PEG3: variants seen among roughly 807,000 people sequenced by gnomAD.
PEG3 encodes the protein paternally expressed 3, also known as paternally-expressed gene 3 protein.
Under a neutral mutation model 35.5 loss-of-function variants are expected in PEG3, and 23 were observed. That is an observed-to-expected ratio of 0.65 (90% confidence interval 0.47 to 0.92). The LOEUF (loss-of-function observed/expected upper bound fraction) is 0.92, where lower values mean the gene tolerates loss of function less well. PEG3 is among the 40% of genes least tolerant of loss of function. PEG3 has a pLI of 0.00. For synonymous variants in PEG3, 707 were observed against 697.0 expected (o/e 1.01, Z -0.23); for missense variants, 1,960 against 1,985.3 (o/e 0.99, Z 0.24).
chr19:56,824,184 T>A (rs2060791408), intron 4 of PEG3, 78 bp downstream of exon 4: 2 of 1,558,510 alleles, frequency 1.3e-6, no homozygotes, highest in Admixed American at 1.8e-5. Flanking sequence ...CCAGACCATG[T>A]CAGAAGTGTG....
At position 56,814,701 on chromosome 19, in the gene PEG3, A is replaced by G. The variant is rs1435434393; in HGVS notation, c.3741T>C (p.His1247=). The change falls in exon 10 of 10, where the codon CAT becomes CAC. Residue 1247 remains histidine, a synonymous_variant. Transcript: ENST00000326441. The surrounding 1 kb of genome is among the most constrained non-coding windows in gnomAD (Gnocchi z 5.8). The part of the protein sequence containing the change: ...SSALNEHMRL[H]REDDLLEQSQ... Reference sequence around the variant, plus strand: ...TCTGCTCCAGTAAATCATCTTCCCTATGAAGTCTCATATGCTCATTAAGGG... The same window carrying G: ...TCTGCTCCAGTAAATCATCTTCCCTGTGAAGTCTCATATGCTCATTAAGGG... 5 of 1,613,894 alleles carry G rather than the reference A, an allele frequency of 3.1e-6. No homozygotes were observed. The highest frequency in any genetic ancestry group is 4.2e-6 in the Non-Finnish European group (5 of 1,179,972).
Position 56,815,412 on chromosome 19 carries a change from C to T in PEG3, c.3030G>A (p.Leu1010=), listed in dbSNP as rs781202572. The change falls in exon 10 of 10, where the codon TTG becomes TTA. Residue 1010 remains leucine (L), a synonymous_variant. Coordinates refer to ENST00000326441, the MANE Select transcript of PEG3 (RefSeq NM_006210.3). ...RNYEWSVIRS[L]APTDPQTSYA... ...AACTTGTTTGAGGGTCAGTAGGGGC[C>T]AAGCTGCGAATGACAGACCATTCAT... 10 of 1,614,124 alleles carry T rather than the reference C, an allele frequency of 6.2e-6. 1 individual carries two copies. In the South Asian group the frequency reaches 7.7e-5, roughly 12 times the overall value.
Position 56,823,693 on chromosome 19 carries a change from G to A in PEG3, c.395-14C>T, listed in dbSNP as rs141353694. The A allele has an allele frequency of 1.5e-5, 24 of 1,613,958 alleles. No individual in the cohort carries two copies. Among genetic ancestry groups the A allele is most frequent in the Middle Eastern group, 3.3e-4 (2 of 6,062 alleles). ...TGTTGTTGTCGTCTAAGAGGACACC[G>A]GTCGCCAAGTTACTATCTCTGGCCC... On this transcript the variant is annotated splice_polypyrimidine_tract_variant and intron_variant, in intron 4 of 9. Coordinates refer to ENST00000326441, the MANE Select transcript of PEG3 (RefSeq NM_006210.3).
rs191672288 is a variant in PEG3 at position 56,812,510 on chromosome 19, A to T, written c.*1165T>A. 3.1e-4 allele frequency: 305 copies of T among 985,688 alleles called. 1 individual carries two copies. In the Middle Eastern group the frequency reaches 3.7e-3, roughly 12 times the overall value. 61.1% of individuals were successfully genotyped at this position (985,688 alleles called of 1,614,324 possible). A position where few individuals can be genotyped will look rare whatever the true frequency, so the allele number is the denominator to read the frequency against. ...GTTAGCGATAGAAAGATCTAAGGAT[A>T]CTAGCTCCTGGGCACCTAGGGTGCA... On this transcript the variant is annotated 3_prime_UTR_variant, in exon 10 of 10. Coordinates refer to ENST00000326441, the MANE Select transcript of PEG3 (RefSeq NM_006210.3).
chr19:56,815,822 T>C lies in PEG3; in HGVS notation c.2620A>G (p.Lys874Glu). ...YISDLNDKRQ[K>E]IPARENPCEG... ...CAAGGGTTCTCTCTGGCAGGAATCT[T>C]CTGTCGCTTATCATTAAGGTCTGAG... is the stretch of plus-strand genomic sequence containing the variant. The change falls in exon 10 of 10, where the codon AAG becomes GAG. Residue 874 changes from lysine to glutamate, a missense_variant. Lys to Glu is a moderately conservative substitution (Grantham distance 56). This residue lies in a region of PEG3 where 798 missense variants were observed against 782.4 expected (regional missense o/e 1.02). Transcript: ENST00000326441. 6.2e-7 allele frequency: 1 copy of C among 1,613,574 alleles called. No homozygotes were observed. The highest frequency in any genetic ancestry group is 8.5e-7 in the Non-Finnish European group (1 of 1,179,602).
intron 1 of PEG3, among the ~76,000 whole-genome samples, chr19:56,838,584 A>C (rs886351896): frequency 6.6e-6 from 1 of 152,220 alleles, no homozygotes; most frequent in South Asian, 2.1e-4. Flanking sequence ...GTCAGGCAAC[A>C]ACAGGGGAAG....
intron 8 of PEG3, among the ~76,000 whole-genome samples, chr19:56,818,163 C>T (rs1268279987): frequency 1.3e-5 from 2 of 152,188 alleles, no homozygotes; most frequent in African/African-American, 4.8e-5. Flanking sequence ...CCTCTTACCT[C>T]GCGACTGCTC....
At position 56,811,383 on chromosome 19, in the gene PEG3, ACTTTCGTGTCCTG is replaced by A. The variant is rs1375693687; in HGVS notation, c.*2279_*2291del. The stretch of plus-strand genomic sequence containing the variant: ...TGAGTTATAACTGTAGTATAAATAT[ACTTTCGTGTCCTG>A]CTTTCTCCACTTAATGTTCTGTAAA... On this transcript the variant is annotated 3_prime_UTR_variant, in exon 10 of 10. Coordinates refer to ENST00000326441, the MANE Select transcript of PEG3 (RefSeq NM_006210.3). 172 of 872,098 alleles carry A rather than the reference ACTTTCGTGTCCTG, an allele frequency of 2.0e-4. No individual in the cohort carries two copies. Among genetic ancestry groups the A allele is most frequent in the Non-Finnish European group, 2.3e-4 (167 of 726,688 alleles). 54.0% of individuals were successfully genotyped at this position (872,098 alleles called of 1,614,324 possible).
chr19:56,815,242 T>C lies in PEG3; in HGVS notation c.3200A>G (p.Asn1067Ser), dbSNP rs1263778224. ...KSHGEESQGE[N>S]TDGEETHSEE... The stretch of plus-strand genomic sequence containing the variant: ...GCTGTGGGTCTCCTCCCCATCAGTA[T>C]TCTCGCCTTGAGACTCCTCGCCATG... The change falls in exon 10 of 10, where the codon AAT becomes AGT. Residue 1067 changes from asparagine (N) to serine (S), a missense_variant. By Grantham distance (46) the Asn-to-Ser change is conservative. This residue lies in a region of PEG3 where 798 missense variants were observed against 782.4 expected (regional missense o/e 1.02). Transcript: ENST00000326441. The C allele has an allele frequency of 1.2e-6, 2 of 1,614,242 alleles. No individual in the cohort carries two copies. The highest frequency in any genetic ancestry group is 1.7e-5 in the Admixed American group (1 of 60,036).
In PEG3 at chr19:56,817,114, T is replaced by C. The variant is rs747693449; in HGVS notation, c.1328A>G (p.Gln443Arg). ...SLSSPSFTES[Q>R]PIDFGAMPYV... The stretch of plus-strand genomic sequence containing the variant: ...TGGCATTGCCCCAAAATCAATTGGC[T>C]GTGACTCGGTAAAGGAGGGGGAGCT... Residue 443 changes from glutamine (Q) to arginine (R), a missense_variant, in exon 10 of 10, where the codon CAG (glutamine) becomes CGG (arginine). Gln to Arg is a conservative substitution (Grantham distance 43). Around this residue, in one of 5 missense-constraint regions of PEG3, gnomAD observed 613 missense variants for 577.1 expected, o/e 1.06. Coordinates refer to ENST00000326441, the MANE Select transcript of PEG3 (RefSeq NM_006210.3). The C allele has an allele frequency of 6.2e-7, 1 of 1,614,184 alleles. No individual in the cohort carries two copies. The highest frequency in any genetic ancestry group is 8.5e-7 in the Non-Finnish European group (1 of 1,180,012).
At chr19:56,840,193 G>T (rs530751458) in intron 1 of PEG3, among the ~76,000 whole-genome samples, 1 of 152,312 alleles carries the variant, frequency 6.6e-6, no homozygotes, top group South Asian at 2.1e-4. Flanking sequence ...GACCTTGCTG[G>T]ACTTGCCGTG....
At position 56,816,560 on chromosome 19, in the gene PEG3, C is replaced by A; in HGVS notation, c.1882G>T (p.Glu628Ter). ...QKMYGKEKMY[E>*]CKVCGETFLH... ...AAAGTCTCCCCACACACCTTACATTCGTACATTTTCTCTTTACCATACATT... is the reference window on the plus strand; with the variant it reads ...AAAGTCTCCCCACACACCTTACATTAGTACATTTTCTCTTTACCATACATT... The change falls in exon 10 of 10, where the codon GAA becomes TAA. Residue 628 changes from glutamate to a stop codon, truncating the protein, a stop_gained. Transcript: ENST00000326441. LOFTEE classifies it low-confidence loss of function (END_TRUNC). The A allele has an allele frequency of 6.2e-7, 1 of 1,614,012 alleles. No homozygotes were observed.
chr19:56,833,477 C>A (rs1238282033), intron 2 of PEG3: 2 of 287,484 alleles, frequency 7.0e-6, no homozygotes, highest in Non-Finnish European at 1.4e-5. Flanking sequence ...CTGTCCCAGC[C>A]CAGGCCTACG....
chr19:56,810,270 T>C lies in PEG3; in HGVS notation c.*3405A>G, dbSNP rs778193721. ...CATTTCTGTAACTTCAAAGTTTCTA[T>C]AATGAACACATTTCATATATAATGG... On this transcript the variant is annotated 3_prime_UTR_variant, in exon 10 of 10. Transcript: ENST00000326441. The C allele has an allele frequency of 3.1e-5, 30 of 982,762 alleles. No individual in the cohort carries two copies. The highest frequency in any genetic ancestry group is 3.6e-5 in the Non-Finnish European group (30 of 827,656). The allele number at this position is 982,762 out of a possible 1,614,324, so 60.9% of individuals were successfully genotyped here.
chr19:56,819,923 C>A (rs1184141493), intron 7 of PEG3, among the ~76,000 whole-genome samples: 2 of 152,224 alleles, frequency 1.3e-5, no homozygotes, highest in East Asian at 1.9e-4. Flanking sequence ...AAGAGGGAAG[C>A]CTTATCCATG....
At chr19:56,821,575 C>A in intron 7 of PEG3, 76 bp downstream of exon 7, 1 of 1,568,126 alleles carries the variant, frequency 6.4e-7, no homozygotes, top group Non-Finnish European at 8.7e-7. Flanking sequence ...GATAAACACA[C>A]CATCTGGGGA....
In PEG3 at chr19:56,817,381, A is replaced by T; in HGVS notation, c.1061T>A (p.Leu354Ter). 6.2e-7 allele frequency: 1 copy of T among 1,613,984 alleles called. No homozygotes were observed. The highest frequency in any genetic ancestry group is 8.5e-7 in the Non-Finnish European group (1 of 1,179,914). ...MSDDNWKDIS[L>*]NKRESVIQQR... is the part of the protein sequence containing the mutation. ...CTGGATCACTGACTCCCTCTTGTTC[A>T]ATGAAATGTCCTTCCAGTTATCATC... The change falls in exon 10 of 10, where the codon TTG becomes TAG. Residue 354 changes from leucine (L) to a stop codon, truncating the protein, a stop_gained. Transcript: ENST00000326441. LOFTEE classifies it low-confidence loss of function (END_TRUNC).
chr19:56,824,947 G>A lies in PEG3; in HGVS notation c.-86-206C>T, dbSNP rs118178821. 3.1e-4 allele frequency: 99 copies of A among 324,018 alleles called. No homozygotes were observed. The East Asian group carries it at 4.6e-3, about 15-fold the overall frequency. 20.1% of individuals were successfully genotyped at this position (324,018 alleles called of 1,614,324 possible). On this transcript the variant is annotated intron_variant, in intron 3 of 9. Transcript: ENST00000326441. ...AGAGACCTACTCGAGGAGTTAGCTC[G>A]GCTACTAACTTGGGCTACTAACTTG...
Position 56,815,319 on chromosome 19 carries a change from A to T in PEG3, c.3123T>A (p.Ala1041=). The T allele has an allele frequency of 6.2e-7, 1 of 1,614,220 alleles. No individual in the cohort carries two copies. The highest frequency in any genetic ancestry group is 8.5e-7 in the Non-Finnish European group (1 of 1,180,044). The change falls in exon 10 of 10, where the codon GCT becomes GCA. Residue 1041 remains alanine (A), a synonymous_variant. Coordinates refer to ENST00000326441, the MANE Select transcript of PEG3 (RefSeq NM_006210.3). The stretch of plus-strand genomic sequence containing the variant: ...GGTTTGTGTTGAGGTCTTCGCTGGT[A>T]GCAAAAAATTGTCTGAAGTCCTTAC... ...NKCKDFRQFF[A]TSEDLNTNQK...
Sources: gnomAD v4.1 joint callset for allele counts (sites outside exome capture counted in the v4.1 genomes callset) on GRCh38, gnomAD v4.1.1 for gene constraint, gnomAD v4.1.1 regional missense constraint, Gnocchi (gnomAD v3.1) non-coding constraint, MANE v1.5 for transcripts, NCBI Gene and HGNC (gene_info 2026-07-23, HGNC 2026-07-21) for gene names.